SLC38A2: variants seen among roughly 807,000 people sequenced by gnomAD.
The protein encoded by SLC38A2 is sodium-coupled neutral amino acid symporter 2.
In SLC38A2, 11 loss-of-function variants were observed where a neutral mutation model predicts 61.5. The observed-to-expected ratio is 0.18, with a 90% CI of 0.11 to 0.30. The LOEUF is 0.30. Among genes scored for constraint, SLC38A2 ranks in the 10% least tolerant of loss-of-function variants. The probability of loss-of-function intolerance (pLI) is 1.00; values close to 1 mark genes in which losing one functional copy is unlikely to be tolerated. For synonymous variants in SLC38A2, 217 were observed against 212.5 expected, an observed-to-expected ratio of 1.02 and a Z score of -0.18; for missense variants, 522 against 600.4, an observed-to-expected ratio of 0.87 and a Z score of 1.36.
At chr12:46,369,467 G>A (rs967924650) in intron 4 of SLC38A2, among the ~76,000 whole-genome samples, 2 of 152,156 alleles carry the variant, frequency 1.3e-5, no homozygotes, top group African/African-American at 4.8e-5. Context: ...TCGTGCTGGA[G>A]AAAATAACTT....
Position 46,362,651 on chromosome 12 carries a change from T to A in SLC38A2, c.1180-13A>T, listed in dbSNP as rs765384610. 2.6e-6 allele frequency: 4 copies of A among 1,553,468 alleles called. No homozygotes were observed. In the African/African-American group the frequency reaches 4.3e-5, roughly 17 times the overall value. ...CAGAACTCCGGATCTGCAAAAAAAA[T>A]AAATAAAATGTATTTTAAAAATAGC... On this transcript the variant is annotated splice_polypyrimidine_tract_variant and intron_variant, in intron 13 of 15. Transcript: ENST00000256689.
rs2120575447 is a variant in SLC38A2 at position 46,371,393 on chromosome 12, GGC to G, written c.-86-16_-86-15del. On this transcript the variant is annotated splice_polypyrimidine_tract_variant and intron_variant, in intron 1 of 15. Coordinates refer to ENST00000256689, the MANE Select transcript of SLC38A2 (RefSeq NM_018976.5). ...CCGCGAGTCGGCCTGCGAAAGTAGAGGCGGCGCGTCAGGACCGCAGCGCCAGC... is the reference window on the plus strand; with the variant it reads ...CCGCGAGTCGGCCTGCGAAAGTAGAGGGCGCGTCAGGACCGCAGCGCCAGC... 2.1e-6 allele frequency: 2 copies of G among 955,690 alleles called. No homozygotes were observed. Among genetic ancestry groups the G allele is most frequent in the Non-Finnish European group, 3.3e-6 (2 of 611,976 alleles). 59.2% of individuals were successfully genotyped at this position (955,690 alleles called of 1,614,324 possible).
At chr12:46,362,413 T>C in intron 14 of SLC38A2, 32 bp from the exon 15 acceptor site, 1 of 1,598,686 alleles carries the variant, frequency 6.3e-7, no homozygotes, top group Non-Finnish European at 8.5e-7. Context: ...TCTTGAGGAT[T>C]CAATGAACCA....
At chr12:46,365,826 T>G (rs1943133829) in intron 7 of SLC38A2, among the ~76,000 whole-genome samples, 1 of 152,162 alleles carries the variant, frequency 6.6e-6, no homozygotes, top group South Asian at 2.1e-4. Flanking sequence ...CCTTTTGAAC[T>G]TTAGAAAACA....
Position 46,364,653 on chromosome 12 carries a change from A to C in SLC38A2, c.696T>G (p.Phe232Leu). ...AAAAAATCATACCCACCACAATCAG[A>C]AAGAACACCATACACAACAAGGAAA... ...SGLSLLCMVF[F>L]LIVVICKKFQ... The change falls in exon 9 of 16, where the codon TTT becomes TTG. Residue 232 changes from phenylalanine to leucine, a missense_variant. By Grantham distance (22) the Phe-to-Leu change is conservative. This residue lies in a region of SLC38A2 where 309 missense variants were observed against 343.9 expected (regional missense o/e 0.90). Transcript: ENST00000256689. 1 of 1,609,232 alleles carries C rather than the reference A, an allele frequency of 6.2e-7. No homozygotes were observed. The highest frequency in any genetic ancestry group is 8.5e-7 in the Non-Finnish European group (1 of 1,178,272).
intron 13 of SLC38A2, 27 bp downstream of exon 13, chr12:46,362,994 C>T (rs748709968): frequency 6.2e-7 from 1 of 1,610,700 alleles, no homozygotes; most frequent in Non-Finnish European, 8.5e-7. Flanking sequence ...CTCCTTCCTA[C>T]TGAAAGCAGA....
rs1407778376 is a variant in SLC38A2, at chr12:46,358,716, A to G, written c.*2395T>C. ...TTATATACAACCTATTTACAAATACATATGGACAGACAATATATGTACATA... is the reference window on the plus strand; with the variant it reads ...TTATATACAACCTATTTACAAATACGTATGGACAGACAATATATGTACATA... On this transcript the variant is annotated 3_prime_UTR_variant, in exon 16 of 16. Transcript: ENST00000256689. The G allele has an allele frequency of 2.6e-5, 4 of 152,660 alleles. No individual in the cohort carries two copies. The highest frequency in any genetic ancestry group is 4.1e-4 in the South Asian group (2 of 4,832). 9.5% of individuals were successfully genotyped at this position (152,660 alleles called of 1,614,324 possible).
At position 46,372,462 on chromosome 12, in the gene SLC38A2, G is replaced by GCCCGGGC. The variant is rs1943216374; in HGVS notation, c.-87+40_-87+46dup. 1.0e-4 allele frequency: 37 copies of GCCCGGGC among 365,738 alleles called. 1 individual carries two copies. The East Asian group carries it at 1.4e-3, about 14-fold the overall frequency. The allele number at this position is 365,738 out of a possible 1,614,324, so 22.7% of individuals were successfully genotyped here. ...TCCCGGAAGCCCCTCCCCCACTCTC[G>GCCCGGGC]CCCGGGCCCCGCGCCCTTCCCACAG... On this transcript the variant is annotated intron_variant, in intron 1 of 15. Transcript: ENST00000256689.
At chr12:46,364,755 G>C in intron 8 of SLC38A2, 53 bp from the exon 9 acceptor site, 2 of 1,531,758 alleles carry the variant, frequency 1.3e-6, no homozygotes, top group Non-Finnish European at 8.9e-7. Context: ...CAGATTTAAG[G>C]CAAATATCTT....
Position 46,358,395 on chromosome 12 carries a change from C to T in SLC38A2, c.*2716G>A, listed in dbSNP as rs1943044370. On this transcript the variant is annotated 3_prime_UTR_variant, in exon 16 of 16. Transcript: ENST00000256689. ...CACTAGATCACATTTTATTTCATTA[C>T]ACTAGATCACATTTTGATTACTGCA... 6.6e-6 allele frequency: 1 copy of T among 152,282 alleles called. No individual in the cohort carries two copies. Among genetic ancestry groups the T allele is most frequent in the South Asian group, 2.1e-4 (1 of 4,832 alleles). The allele number at this position is 152,282 out of a possible 1,614,324, so 9.4% of individuals were successfully genotyped here. A position where few individuals can be genotyped will look rare whatever the true frequency, so the allele number is the denominator to read the frequency against.
chr12:46,361,512 T>C (rs900412780), intron 15 of SLC38A2, among the ~76,000 whole-genome samples: 2 of 152,094 alleles, frequency 1.3e-5, no homozygotes, highest in Non-Finnish European at 2.9e-5. Context: ...TTTTTGCAAT[T>C]TTTTAGAATG....
At position 46,371,306 on chromosome 12, in the gene SLC38A2, G is replaced by C; in HGVS notation, c.-13C>G. On this transcript the variant is annotated 5_prime_UTR_variant, in exon 2 of 16. Coordinates refer to ENST00000256689, the MANE Select transcript of SLC38A2 (RefSeq NM_018976.5). Reference sequence around the variant, plus strand: ...CGGCCTTCTTCATGCTAAGCACTGGGAGGAATCGGGTGCAGCTAGTAGCGC... The same window carrying C: ...CGGCCTTCTTCATGCTAAGCACTGGCAGGAATCGGGTGCAGCTAGTAGCGC... The C allele has an allele frequency of 6.2e-7, 1 of 1,606,008 alleles. No homozygotes were observed. The highest frequency in any genetic ancestry group is 8.5e-7 in the Non-Finnish European group (1 of 1,172,586).
Position 46,372,761 on chromosome 12 carries a change from G to C in SLC38A2, c.-339C>G, listed in dbSNP as rs945408617. 2 of 398,188 alleles carry C rather than the reference G, an allele frequency of 5.0e-6. No individual in the cohort carries two copies. Among genetic ancestry groups the C allele is most frequent in the Admixed American group, 8.8e-5 (2 of 22,714 alleles). The allele number at this position is 398,188 out of a possible 1,614,324, so 24.7% of individuals were successfully genotyped here. The stretch of plus-strand genomic sequence containing the variant: ...TGGAAAGGCGTTCTAAGGCGGCGGC[G>C]TCGCGCGGCTGTGGAGCAGCCCTGC... On this transcript the variant is annotated 5_prime_UTR_variant, in exon 1 of 16. Transcript: ENST00000256689.
chr12:46,364,814 G>T, intron 8 of SLC38A2, 112 bp from the exon 9 acceptor site: 1 of 986,038 alleles, frequency 1.0e-6, no homozygotes, highest in Non-Finnish European at 1.5e-6. Context: ...AGGCACTAAA[G>T]TATGTGTATA....
At position 46,362,584 on chromosome 12, in the gene SLC38A2, G is replaced by A. The variant is rs755513742; in HGVS notation, c.1234C>T (p.Arg412Cys). ...LCASKDFSWW[R>C]HSLITVSILA... ...ATAGACACTGTAATGAGACTATGAC[G>A]CCACCAACTGAAATCTTTTGATGCA... The change falls in exon 14 of 16, where the codon CGT (arginine) becomes TGT (cysteine). Residue 412 changes from arginine (R) to cysteine (C), a missense_variant. Around this residue, in one of 3 missense-constraint regions of SLC38A2, gnomAD observed 309 missense variants for 343.9 expected, o/e 0.90. Transcript: ENST00000256689. 12 of 1,592,720 alleles carry A rather than the reference G, an allele frequency of 7.5e-6. No individual in the cohort carries two copies. Among genetic ancestry groups the A allele is most frequent in the Admixed American group, 1.9e-5 (1 of 52,558 alleles).
In SLC38A2 at chr12:46,360,282, T is replaced by A. The variant is rs1943066774; in HGVS notation, c.*829A>T. On this transcript the variant is annotated 3_prime_UTR_variant, in exon 16 of 16. Coordinates refer to ENST00000256689, the MANE Select transcript of SLC38A2 (RefSeq NM_018976.5). The stretch of plus-strand genomic sequence containing the variant: ...ATATCTGCATTATCTTCCATTCTAA[T>A]AAGTTGAAGACACAAACATTTCAGT... 6.6e-6 allele frequency: 1 copy of A among 152,622 alleles called. No individual in the cohort carries two copies. Among genetic ancestry groups the A allele is most frequent in the East Asian group, 1.9e-4 (1 of 5,204 alleles). 9.5% of individuals were successfully genotyped at this position (152,622 alleles called of 1,614,324 possible).
chr12:46,371,920 G>A (rs1388643401), intron 1 of SLC38A2, among the ~76,000 whole-genome samples: 3 of 152,230 alleles, frequency 2.0e-5, no homozygotes, highest in African/African-American at 7.2e-5. Context: ...CTCGAGGGGG[G>A]CGAACGCCCG....
At position 46,363,084 on chromosome 12, in the gene SLC38A2, A is replaced by T; in HGVS notation, c.1116T>A (p.Leu372=). The T allele has an allele frequency of 6.2e-7, 1 of 1,613,110 alleles. No individual in the cohort carries two copies. The highest frequency in any genetic ancestry group is 2.2e-5 in the East Asian group (1 of 44,854). Residue 372 remains leucine (L), a synonymous_variant, in exon 13 of 16, where the codon CTT becomes CTA. Transcript: ENST00000256689. ...TTAACACAGCCAGACGGACAATGAGAAGAAGAATATCAGTTCCCAAGATAG... is the reference window on the plus strand; with the variant it reads ...TTAACACAGCCAGACGGACAATGAGTAGAAGAATATCAGTTCCCAAGATAG... ...YSSILGTDIL[L]LIVRLAVLMA...
intron 4 of SLC38A2, among the ~76,000 whole-genome samples, chr12:46,368,972 T>C (rs1272932395): frequency 6.6e-6 from 1 of 151,220 alleles, no homozygotes; most frequent in East Asian, 1.9e-4. Context: ...TACCTCTAAA[T>C]ATAAAGTAAG....
Sources: gnomAD v4.1 joint callset for allele counts (sites outside exome capture counted in the v4.1 genomes callset) on GRCh38, gnomAD v4.1.1 for gene constraint, gnomAD v4.1.1 regional missense constraint, MANE v1.5 for transcripts, NCBI Gene and HGNC (gene_info 2026-07-23, HGNC 2026-07-21) for gene names.